The following MYO3B variants were observed in gnomAD, a reference collection of about 807,000 sequenced individuals.
MYO3B encodes the protein myosin-IIIb.
A neutral mutation model predicts 174.6 loss-of-function variants in MYO3B; 156 were observed. The observed-to-expected ratio is 0.89, with a 90% CI of 0.78 to 1.02. The LOEUF is 1.02. MYO3B is among the 50% of genes least tolerant of loss of function. The pLI, the probability that MYO3B is intolerant of heterozygous loss-of-function variation, is 0.00. For missense variants in MYO3B, 1,632 were observed against 1,639.4 expected, an observed-to-expected ratio of 1.00 and a Z score of 0.08; for synonymous variants, 563 against 569.1, an observed-to-expected ratio of 0.99 and a Z score of 0.15.
intron 19 of MYO3B, 46 bp from the exon 20 acceptor site, chr2:170,404,201 A>G (rs768014042): frequency 6.5e-7 from 1 of 1,548,114 alleles, no homozygotes. Context: ...TGGTGGTCCC[A>G]AGGCTAGTTT....
At chr2:170,499,137 G>T (rs1038487039) in intron 26 of MYO3B, among the ~76,000 whole-genome samples, 1 of 152,138 alleles carries the variant, frequency 6.6e-6, no homozygotes, top group Non-Finnish European at 1.5e-5. Flanking sequence ...AGAACGTCAC[G>T]TCCCCATAGG....
At chr2:170,309,215 A>G (rs2093721242) in intron 7 of MYO3B, among the ~76,000 whole-genome samples, 1 of 152,242 alleles carries the variant, frequency 6.6e-6, no homozygotes, top group African/African-American at 2.4e-5. Context: ...TAAGTTGGCT[A>G]GGGACACTCA....
intron 7 of MYO3B, among the ~76,000 whole-genome samples, chr2:170,264,682 A>T (rs2093369760): frequency 1.3e-5 from 2 of 152,152 alleles, no homozygotes; most frequent in South Asian, 4.1e-4. Context: ...AAATACCCTG[A>T]TATATAGTAG....
chr2:170,315,903 G>A (rs540330082), intron 7 of MYO3B, among the ~76,000 whole-genome samples: 101 of 152,294 alleles, frequency 6.6e-4, no homozygotes, highest in Middle Eastern at 3.4e-3. Context: ...TCTGTGACTG[G>A]AACCCTGATC....
intron 32 of MYO3B, among the ~76,000 whole-genome samples, chr2:170,616,842 T>C (rs1695500568): frequency 6.6e-6 from 1 of 152,190 alleles, no homozygotes; most frequent in Non-Finnish European, 1.5e-5. Context: ...TTAGTTTGCT[T>C]ATGTCTAAAG....
intron 32 of MYO3B, chr2:170,601,667 C>T: frequency 7.6e-6 from 11 of 1,443,482 alleles, no homozygotes; most frequent in Non-Finnish European, 1.1e-5. Context: ...CTTCTGTCCT[C>T]CTCTTCCTTC....
intron 32 of MYO3B, among the ~76,000 whole-genome samples, chr2:170,619,619 C>T (rs183777314): frequency 1.7e-4 from 25 of 151,514 alleles, no homozygotes; most frequent in Middle Eastern, 3.4e-3. Context: ...TACAGGACTG[C>T]GTTACCATGT....
chr2:170,635,964 C>CA (rs1207910801), intron 32 of MYO3B, among the ~76,000 whole-genome samples: 15 of 152,226 alleles, frequency 9.9e-5, no homozygotes, highest in African/African-American at 3.6e-4. Context: ...TAAGTTGTGT[C>CA]AAAAATCACA....
chr2:170,258,933 TGA>T (rs1418309448), intron 7 of MYO3B, among the ~76,000 whole-genome samples: 1 of 152,078 alleles, frequency 6.6e-6, no homozygotes, highest in Non-Finnish European at 1.5e-5. Flanking sequence ...TTGTTCAAAC[TGA>T]GAGCCAAATC....
chr2:170,623,750 A>G (rs570329937), intron 32 of MYO3B, among the ~76,000 whole-genome samples: 6 of 152,322 alleles, frequency 3.9e-5, no homozygotes, highest in Admixed American at 2.0e-4. Flanking sequence ...TAATTTTTGT[A>G]TAATGTGTAA....
At chr2:170,363,518 G>A (rs571924177) in intron 8 of MYO3B, among the ~76,000 whole-genome samples, 3 of 152,258 alleles carry the variant, frequency 2.0e-5, no homozygotes, top group Admixed American at 6.5e-5. Context: ...ACCAGCTTGA[G>A]AGCCCGACCT....
intron 32 of MYO3B, among the ~76,000 whole-genome samples, chr2:170,584,229 A>G (rs1013891598): frequency 9.9e-5 from 15 of 152,206 alleles, no homozygotes; most frequent in African/African-American, 3.6e-4. Context: ...TCTCCCTCCA[A>G]CAAACTTGGA....
intron 32 of MYO3B, among the ~76,000 whole-genome samples, chr2:170,619,716 G>GC (rs1390935515): frequency 7.1e-6 from 1 of 141,664 alleles, no homozygotes; most frequent in Non-Finnish European, 1.5e-5. Flanking sequence ...TAAAGTGATG[G>GC]CCCATCACTG....
intron 8 of MYO3B, among the ~76,000 whole-genome samples, chr2:170,363,161 T>C (rs1471313649): frequency 6.6e-6 from 1 of 152,008 alleles, no homozygotes; most frequent in East Asian, 1.9e-4. Context: ...ACAATTCAAG[T>C]AGCAGGCCTG....
intron 25 of MYO3B, among the ~76,000 whole-genome samples, chr2:170,481,676 G>A (rs923831892): frequency 3.3e-5 from 5 of 152,172 alleles, no homozygotes; most frequent in Non-Finnish European, 7.3e-5. Flanking sequence ...GAGGATGACA[G>A]CTTCAACATT....
At chr2:170,320,911 A>G (rs974403299) in intron 7 of MYO3B, among the ~76,000 whole-genome samples, 4 of 152,186 alleles carry the variant, frequency 2.6e-5, no homozygotes, top group African/African-American at 9.7e-5. Context: ...ATACATAGAA[A>G]ATAACAATTT....
chr2:170,255,272 G>A (rs909262831), intron 7 of MYO3B, among the ~76,000 whole-genome samples: 4 of 152,150 alleles, frequency 2.6e-5, no homozygotes, highest in African/African-American at 9.7e-5. Context: ...TGCAATGTCA[G>A]TCATTGTAGG....
intron 32 of MYO3B, among the ~76,000 whole-genome samples, chr2:170,627,967 G>A (rs1696606039): frequency 6.6e-6 from 1 of 152,190 alleles, no homozygotes; most frequent in African/African-American, 2.4e-5. Flanking sequence ...CCTACTGGGG[G>A]GTGCCTCCCA....
chr2:170,624,254 A>G (rs1696197018), intron 32 of MYO3B, among the ~76,000 whole-genome samples: 1 of 152,216 alleles, frequency 6.6e-6, no homozygotes, highest in African/African-American at 2.4e-5. Context: ...TTCGTAGAGC[A>G]GTGGTTTGTA....
Sources: gnomAD v4.1 joint callset for allele counts (sites outside exome capture counted in the v4.1 genomes callset) on GRCh38, gnomAD v4.1.1 for gene constraint, MANE v1.5 for transcripts, NCBI Gene and HGNC (gene_info 2026-07-23, HGNC 2026-07-21) for gene names.